PCDHA8: variants seen among roughly 807,000 people sequenced by gnomAD.
PCDHA8 encodes protocadherin alpha 8, also known as protocadherin alpha-8.
Under a neutral mutation model 61.8 loss-of-function variants are expected in PCDHA8, and 53 were observed. That is an observed-to-expected ratio of 0.86 (90% CI 0.69 to 1.08). PCDHA8 has a LOEUF of 1.08. Among genes scored for constraint, PCDHA8 ranks in the 50% least tolerant of loss-of-function variants. The pLI, the probability that PCDHA8 is intolerant of heterozygous loss-of-function variation, is 0.00. For missense variants in PCDHA8, 1,293 were observed against 1,245.0 expected, an observed-to-expected ratio of 1.04 and a Z score of -0.58; for synonymous variants, 618 against 556.6, an observed-to-expected ratio of 1.11 and a Z score of -1.55.
At chr5:140,849,516 G>A in intron 1 of PCDHA8, 2 of 1,597,278 alleles carry the variant, frequency 1.3e-6, no homozygotes, top group East Asian at 2.2e-5. Flanking sequence ...TGTGGAAGTT[G>A]TGGATGTAAA....
At chr5:140,921,101 C>A (rs1331761775) in intron 1 of PCDHA8, among the ~76,000 whole-genome samples, 1 of 152,002 alleles carries the variant, frequency 6.6e-6, no homozygotes, top group Non-Finnish European at 1.5e-5. Context: ...CTGCCTCAGT[C>A]TCCTAAGTAG....
At chr5:140,937,162 C>A (rs2091378704) in intron 1 of PCDHA8, among the ~76,000 whole-genome samples, 1 of 151,684 alleles carries the variant, frequency 6.6e-6, no homozygotes, top group Non-Finnish European at 1.5e-5. Flanking sequence ...CTCAGCCTCC[C>A]GAGTAGCTGG....
At chr5:140,944,438 C>T (rs1585166190) in intron 1 of PCDHA8, among the ~76,000 whole-genome samples, 2 of 152,154 alleles carry the variant, frequency 1.3e-5, no homozygotes, top group Non-Finnish European at 2.9e-5. Flanking sequence ...CTGCCTGCCT[C>T]GGCCTCCCAA....
intron 1 of PCDHA8, among the ~76,000 whole-genome samples, chr5:140,933,690 T>A (rs1382967033): frequency 1.3e-5 from 2 of 152,048 alleles, no homozygotes; most frequent in Non-Finnish European, 2.9e-5. Flanking sequence ...TTTTTCCTAT[T>A]CCTCGGACAC....
At chr5:140,941,215 C>CTTTCTTTCTTTCTTTG (rs2092887387) in intron 1 of PCDHA8, among the ~76,000 whole-genome samples, 2 of 104,510 alleles carry the variant, frequency 1.9e-5, no homozygotes, top group Non-Finnish European at 4.1e-5. Context: ...TTCTTTCTTC[C>CTTTCTTTCTTTCTTTG]TTTCTTTCTT....
chr5:140,956,878 A>G (rs890203275), intron 1 of PCDHA8, among the ~76,000 whole-genome samples: 4 of 152,188 alleles, frequency 2.6e-5, no homozygotes, highest in Admixed American at 2.6e-4. Context: ...GAAAAGTTAG[A>G]TATCAATGAA....
At chr5:140,926,998 G>C in intron 1 of PCDHA8, 1 of 1,612,288 alleles carries the variant, frequency 6.2e-7, no homozygotes, top group Non-Finnish European at 8.5e-7. Flanking sequence ...GGGCGTAGCC[G>C]TAGGCAATCT....
At chr5:140,982,409 G>A (rs1554244106) in intron 2 of PCDHA8, 66 bp from the exon 3 acceptor site, 20 of 1,608,038 alleles carry the variant, frequency 1.2e-5, no homozygotes, top group Non-Finnish European at 1.6e-5. Flanking sequence ...CAATTTCTGA[G>A]GGTGGAAGAA....
intron 1 of PCDHA8, chr5:140,854,159 C>CA (rs59855104): frequency 0.067 from 22,471 of 337,648 alleles, 281 homozygotes; most frequent in African/African-American, 0.075. Flanking sequence ...GATTCTGTCT[C>CA]AAAAAAAAAA....
At chr5:140,884,539 G>A (rs782320700) in intron 1 of PCDHA8, 78 of 1,613,968 alleles carry the variant, frequency 4.8e-5, no homozygotes, top group Non-Finnish European at 6.2e-5. Flanking sequence ...GGCGGCCGAG[G>A]GTGTGCTCTG....
intron 1 of PCDHA8, chr5:140,884,363 T>A (rs1444938392): frequency 6.2e-7 from 1 of 1,613,818 alleles, no homozygotes; most frequent in African/African-American, 1.3e-5. Context: ...TGTCAATGTT[T>A]ACTTGATCAT....
rs77488964 is a variant in PCDHA8, at chr5:140,929,006, C to T, written c.2395-49943C>T. The T allele has an allele frequency of 3.2e-3, 5,179 of 1,614,048 alleles. 25 individuals carry two copies. Among genetic ancestry groups the T allele is most frequent in the African/African-American group, 0.019 (1,447 of 75,028 alleles). ...GGGTGCTTACTTTTCTTCGTGTGTA[C>T]CAAGTTGCACCAGAGCCCAGGCTGT... is the stretch of plus-strand genomic sequence containing the variant. On this transcript the variant is annotated intron_variant, in intron 1 of 3. Coordinates refer to ENST00000531613, the MANE Select transcript of PCDHA8 (RefSeq NM_018911.3).
intron 1 of PCDHA8, among the ~76,000 whole-genome samples, chr5:140,886,671 C>A (rs1411583056): frequency 6.6e-6 from 1 of 151,634 alleles, no homozygotes; most frequent in East Asian, 1.9e-4. Context: ...ACTAAAAATA[C>A]AAAAATTAGC....
intron 1 of PCDHA8, among the ~76,000 whole-genome samples, chr5:140,845,370 T>C (rs1032525596): frequency 6.7e-6 from 1 of 149,690 alleles, no homozygotes; most frequent in Non-Finnish European, 1.5e-5. Flanking sequence ...CAAAATATCA[T>C]AAATAGGAGG....
chr5:140,969,343 G>A (rs2096321775), intron 1 of PCDHA8: 23 of 1,613,728 alleles, frequency 1.4e-5, no homozygotes, highest in Non-Finnish European at 1.9e-5. Flanking sequence ...TGAGACAGTG[G>A]TCAGGGGGTC....
At chr5:140,846,553 T>G (rs1374500814) in intron 1 of PCDHA8, among the ~76,000 whole-genome samples, 5 of 148,228 alleles carry the variant, frequency 3.4e-5, no homozygotes, top group Non-Finnish European at 7.5e-5. Context: ...TTTTTGTATT[T>G]TTAGTAGAGT....
At chr5:140,898,321 G>A (rs370229202) in intron 1 of PCDHA8, among the ~76,000 whole-genome samples, 42 of 152,060 alleles carry the variant, frequency 2.8e-4, no homozygotes, top group Non-Finnish European at 1.2e-4. Flanking sequence ...TTATGGTTTT[G>A]GGTCTAACGT....
intron 1 of PCDHA8, chr5:140,884,551 G>C (rs782613034): frequency 1.2e-6 from 2 of 1,614,134 alleles, no homozygotes; most frequent in Non-Finnish European, 1.7e-6. Flanking sequence ...TGTGCTCTGG[G>C]GAGGGCCCGC....
chr5:140,883,406 G>A, intron 1 of PCDHA8: 2 of 1,614,156 alleles, frequency 1.2e-6, no homozygotes, highest in South Asian at 2.2e-5. Context: ...TCGTGACTCT[G>A]GCTCAAATGG....
Sources: allele counts gnomAD v4.1 joint callset (sites outside exome capture counted in the v4.1 genomes callset), GRCh38; gene constraint gnomAD v4.1.1; transcripts MANE v1.5; gene names NCBI Gene and HGNC (gene_info 2026-07-23, HGNC 2026-07-21).